Variants in FBXO47 observed in about 807,000 individuals in gnomAD.
FBXO47 encodes the protein F-box only protein 47.
In FBXO47, 34 loss-of-function variants were observed where a neutral mutation model predicts 53.9. The ratio of observed to expected loss-of-function variants is 0.63; its 90% CI spans 0.48 to 0.84. FBXO47 has a LOEUF of 0.84. FBXO47 is among the 40% of genes least tolerant of loss of function. The pLI is 0.00. For synonymous variants in FBXO47, 165 were observed against 181.6 expected (o/e 0.91, Z 0.73); for missense variants, 485 against 541.3 (o/e 0.90, Z 1.03).
In FBXO47 at chr17:38,954,292, C is replaced by T. The variant is rs1431136036; in HGVS notation, c.507+564G>A. Among the ~76,000 whole-genome samples the T allele has an allele frequency of 7.3e-5, 11 of 151,278 alleles. 1 individual carries two copies. In the South Asian group the frequency reaches 1.5e-3, roughly 20 times the overall value. ...CAGCCTGGGTGACAGAGTAAGACTC[C>T]GTCTCAAAAAATAAATAAATAAATA... is the stretch of plus-strand genomic sequence containing the variant. On this transcript the variant is annotated intron_variant, in intron 5 of 10. Coordinates refer to ENST00000378079, the MANE Select transcript of FBXO47 (RefSeq NM_001008777.3).
intron 9 of FBXO47, among the ~76,000 whole-genome samples, chr17:38,940,093 T>C (rs1333817727): frequency 6.6e-6 from 1 of 152,020 alleles, no homozygotes; most frequent in Non-Finnish European, 1.5e-5. Flanking sequence ...AAAGATCTAT[T>C]GACTATTTAT....
At chr17:38,954,744 C>T in intron 5 of FBXO47, 112 bp downstream of exon 5, 4 of 558,254 alleles carry the variant, frequency 7.2e-6, no homozygotes, top group Admixed American at 3.8e-5. Flanking sequence ...TTTTATTTTG[C>T]TCTTTTTAAG....
chr17:38,942,796 GAGCCTTGCC>G lies in FBXO47; in HGVS notation c.1056_1064del (p.Ala353_Leu355del), dbSNP rs1205989008. 20 of 1,608,042 alleles carry G rather than the reference GAGCCTTGCC, an allele frequency of 1.2e-5. No individual in the cohort carries two copies. The highest frequency in any genetic ancestry group is 2.7e-5 in the African/African-American group (2 of 74,536). On this transcript the variant is annotated inframe_deletion, in exon 9 of 11. Transcript: ENST00000378079. ...TACTTACCAAAGCCAAAAAGACTAC[GAGCCTTGCC>G]AGTTCAATGGTGCGTCCATTCACAG...
At chr17:38,943,812 A>T in intron 7 of FBXO47, 76 bp from the exon 8 acceptor site, 2 of 1,284,556 alleles carry the variant, frequency 1.6e-6, no homozygotes, top group Non-Finnish European at 2.2e-6. Flanking sequence ...AGGAAAGTGA[A>T]TTGCACAATG....
chr17:38,946,219 T>A (rs1223548272), intron 6 of FBXO47, among the ~76,000 whole-genome samples: 5 of 107,398 alleles, frequency 4.7e-5, no homozygotes, highest in Admixed American at 2.5e-4. Flanking sequence ...TATACAAAAA[T>A]ATATATAAAT....
intron 3 of FBXO47, 68 bp from the exon 4 acceptor site, chr17:38,957,321 A>G: frequency 9.3e-7 from 1 of 1,070,876 alleles, no homozygotes; most frequent in Non-Finnish European, 1.4e-6. Flanking sequence ...AGAGCACAGA[A>G]TAATGTTTCC....
At chr17:38,943,084 GAGAC>G (rs1904584567) in intron 8 of FBXO47, among the ~76,000 whole-genome samples, 164 bp from the exon 9 acceptor site, 1 of 152,282 alleles carries the variant, frequency 6.6e-6, no homozygotes, top group South Asian at 2.1e-4. Flanking sequence ...CATTCAGTCA[GAGAC>G]AGGTTATTGC....
intron 6 of FBXO47, among the ~76,000 whole-genome samples, chr17:38,947,105 AAC>A (rs1491376105): frequency 4.4e-5 from 4 of 90,560 alleles, no homozygotes; most frequent in African/African-American, 1.2e-4. Context: ...CATATATATA[AAC>A]ATATATATAT....
chr17:38,950,181 C>T (rs1184157014), intron 6 of FBXO47, among the ~76,000 whole-genome samples: 3 of 151,908 alleles, frequency 2.0e-5, no homozygotes, highest in African/African-American at 7.3e-5. Flanking sequence ...CCCCACTCCC[C>T]CCTCCCCTCA....
intron 9 of FBXO47, among the ~76,000 whole-genome samples, chr17:38,939,066 G>A (rs1904374204): frequency 6.6e-6 from 1 of 151,592 alleles, no homozygotes; most frequent in Non-Finnish European, 1.5e-5. Flanking sequence ...GGCCAAGGTG[G>A]GCAGATCACC....
intron 4 of FBXO47, among the ~76,000 whole-genome samples, chr17:38,955,742 G>A (rs145906389): frequency 0.014 from 2,114 of 151,536 alleles, 27 homozygotes; most frequent in Non-Finnish European, 0.02. Context: ...GGAGGATCAC[G>A]AGGTCAGGAG....
At chr17:38,953,182 G>A (rs547433565) in intron 5 of FBXO47, among the ~76,000 whole-genome samples, 1 of 149,710 alleles carries the variant, frequency 6.7e-6, no homozygotes, top group South Asian at 2.1e-4. Flanking sequence ...AGCTAGGTGT[G>A]GTGGCAGGCC....
At position 38,946,315 on chromosome 17, in the gene FBXO47, A is replaced by AATATATAT. The variant is rs1397591483; in HGVS notation, c.617-1187_617-1180dup. Among the ~76,000 whole-genome samples the AATATATAT allele has an allele frequency of 3.5e-5, 3 of 86,410 alleles. No homozygotes were observed. The South Asian group carries it at 1.2e-3, about 35-fold the overall frequency. The allele number at this position is 86,410 out of a possible 152,430, so 56.7% of individuals were successfully genotyped here. A position where few individuals can be genotyped will look rare whatever the true frequency, so the allele number is the denominator to read the frequency against. On this transcript the variant is annotated intron_variant, in intron 6 of 10. Transcript: ENST00000378079. ...ATATAAAAATATATATAAATATATAAATATATATAAATATATAAATATATA... is the reference window on the plus strand; with the variant it reads ...ATATAAAAATATATATAAATATATAAATATATATATATATATAAATATATAAATATATA...
chr17:38,963,089 A>C (rs867176955), intron 1 of FBXO47, 38 bp from the exon 2 acceptor site: 1 of 1,286,044 alleles, frequency 7.8e-7, no homozygotes, highest in Non-Finnish European at 1.1e-6. Flanking sequence ...CAAGAAAGAA[A>C]GGAAATTAAA....
intron 9 of FBXO47, among the ~76,000 whole-genome samples, chr17:38,939,329 T>A (rs1390060978): frequency 7.5e-4 from 83 of 111,166 alleles, no homozygotes; most frequent in African/African-American, 1.5e-3. Flanking sequence ...AAAAAATATA[T>A]ATATATATAT....
chr17:38,942,227 A>G (rs1598136398), intron 9 of FBXO47, among the ~76,000 whole-genome samples: 1 of 152,278 alleles, frequency 6.6e-6, no homozygotes, highest in Admixed American at 6.5e-5. Flanking sequence ...GCAGAACTGT[A>G]TAATGAAAAT....
At chr17:38,954,998 A>G in intron 4 of FBXO47, 65 bp from the exon 5 acceptor site, 2 of 1,180,382 alleles carry the variant, frequency 1.7e-6, no homozygotes, top group Admixed American at 2.2e-5. Context: ...TGGTGGAACA[A>G]TGGTTTGACA....
chr17:38,936,616 T>C lies in FBXO47; in HGVS notation c.*559A>G, dbSNP rs1167584972. On this transcript the variant is annotated 3_prime_UTR_variant, in exon 11 of 11. Transcript: ENST00000378079. ...GTCTATATATATATATAGACATATA[T>C]GTATACTTTGTTTTTTATCCATTAG... 6.6e-6 allele frequency: 1 copy of C among 152,302 alleles called. No homozygotes were observed. The highest frequency in any genetic ancestry group is 1.5e-5 in the Non-Finnish European group (1 of 68,186). The allele number at this position is 152,302 out of a possible 1,614,324, so 9.4% of individuals were successfully genotyped here.
rs1426676217 is a variant in FBXO47 at position 38,945,070 on chromosome 17, G to C, written c.683C>G (p.Thr228Arg). The change falls in exon 7 of 11, where the codon ACA (threonine) becomes AGA (arginine). Residue 228 changes from threonine (T) to arginine (R), a missense_variant. Physicochemically the swap from Thr to Arg is moderately conservative, Grantham distance 71. Transcript: ENST00000378079. ...CCAAAAAGCAGAATCACTTCGATGTGTCCAATGATCAAGGAGGACATTCCT... is the reference window on the plus strand; with the variant it reads ...CCAAAAAGCAGAATCACTTCGATGTCTCCAATGATCAAGGAGGACATTCCT... ...FCRNVLLDHW[T>R]HRSDSAFWLT... 4 of 1,613,760 alleles carry C rather than the reference G, an allele frequency of 2.5e-6. No individual in the cohort carries two copies. The East Asian group carries it at 8.9e-5, about 36-fold the overall frequency.
Sources: allele counts gnomAD v4.1 joint callset (sites outside exome capture counted in the v4.1 genomes callset), GRCh38; gene constraint gnomAD v4.1.1; transcripts MANE v1.5; gene names NCBI Gene and HGNC (gene_info 2026-07-23, HGNC 2026-07-21).